Variants in PEAK1 observed in about 807,000 individuals in gnomAD.
PEAK1 encodes the protein pseudopodium enriched atypical kinase 1, also known as inactive tyrosine-protein kinase PEAK1.
A neutral mutation model predicts 124.7 loss-of-function variants in PEAK1; 54 were observed. The ratio of observed to expected loss-of-function variants is 0.43; its 90% CI spans 0.35 to 0.54. PEAK1 has a LOEUF of 0.54. Among genes scored for constraint, PEAK1 ranks in the 20% least tolerant of loss-of-function variants. The pLI is 0.01. For synonymous variants in PEAK1, 719 were observed against 760.0 expected (o/e 0.95, Z 0.89); for missense variants, 2,046 against 2,134.5 (o/e 0.96, Z 0.82).
chr15:77,325,913 AAAATAGCTAC>A (rs1473400553), intron 2 of PEAK1, among the ~76,000 whole-genome samples: 7 of 152,136 alleles, frequency 4.6e-5, no homozygotes, highest in Admixed American at 4.6e-4. Context: ...CTAAGATTTT[AAAATAGCTAC>A]AAATGTAAGG....
chr15:77,207,730 T>C (rs1212187117), intron 6 of PEAK1, among the ~76,000 whole-genome samples: 2 of 152,128 alleles, frequency 1.3e-5, no homozygotes, highest in Non-Finnish European at 2.9e-5. Flanking sequence ...GTGAAACTAT[T>C]CTATATGATA....
chr15:77,406,839 A>C (rs1344609003), intron 1 of PEAK1, among the ~76,000 whole-genome samples: 1 of 152,202 alleles, frequency 6.6e-6, no homozygotes, highest in Non-Finnish European at 1.5e-5. Flanking sequence ...AAAAAGAACA[A>C]ATCTGGAGGT....
At chr15:77,379,204 T>C (rs2069276119) in intron 1 of PEAK1, among the ~76,000 whole-genome samples, 1 of 152,202 alleles carries the variant, frequency 6.6e-6, no homozygotes, top group East Asian at 1.9e-4. Flanking sequence ...TTGAATACCA[T>C]ATATTTCAAA....
chr15:77,155,907 C>G (rs1293522587), intron 8 of PEAK1: 5 of 152,870 alleles, frequency 3.3e-5, no homozygotes, highest in Admixed American at 2.6e-4. Flanking sequence ...GTCAGTCTGC[C>G]CCTACTGGGG....
chr15:77,349,140 C>T (rs892539003), intron 2 of PEAK1: 6 of 492,580 alleles, frequency 1.2e-5, no homozygotes, highest in Admixed American at 6.4e-5. Flanking sequence ...CCTGGGTTCA[C>T]GCCATTCTCC....
In PEAK1 at chr15:77,301,265, C is replaced by T. The variant is rs184714325; in HGVS notation, c.-602-14761G>A. On this transcript the variant is annotated intron_variant, in intron 2 of 9. Coordinates refer to ENST00000682557, the MANE Select transcript of PEAK1 (RefSeq NM_001385026.1). ...TGTGGCTATATCATTCTAATCTCTG[C>T]CTGACTTCACATGGCATTCTCCTCT... is the stretch of plus-strand genomic sequence containing the variant. Among the ~76,000 whole-genome samples the T allele has an allele frequency of 9.3e-4, 141 of 152,228 alleles. No individual in the cohort carries two copies. In the Middle Eastern group the frequency reaches 0.024, roughly 26 times the overall value.
At chr15:77,291,169 C>T (rs2063191538) in intron 2 of PEAK1, among the ~76,000 whole-genome samples, 1 of 152,134 alleles carries the variant, frequency 6.6e-6, no homozygotes. Context: ...ACGTGAGATA[C>T]AAAGCTGAAT....
chr15:77,161,172 G>A (rs528653709), intron 7 of PEAK1, among the ~76,000 whole-genome samples: 5 of 152,188 alleles, frequency 3.3e-5, no homozygotes, highest in East Asian at 3.8e-4. Context: ...GGGCCTTCTC[G>A]AGTCTGTTAA....
At chr15:77,262,833 A>C (rs1826875005) in intron 5 of PEAK1, among the ~76,000 whole-genome samples, 2 of 152,142 alleles carry the variant, frequency 1.3e-5, no homozygotes, top group South Asian at 2.1e-4. Flanking sequence ...CCTATTCCAA[A>C]ATTGACCACA....
Position 77,180,033 on chromosome 15 carries a change from G to T in PEAK1, c.1894C>A (p.Pro632Thr). 2.5e-6 allele frequency: 4 copies of T among 1,613,954 alleles called. No individual in the cohort carries two copies. Among genetic ancestry groups the T allele is most frequent in the Non-Finnish European group, 3.4e-6 (4 of 1,179,884 alleles). The change falls in exon 7 of 10, where the codon CCA becomes ACA. Residue 632 changes from proline (P) to threonine (T), a missense_variant. By Grantham distance (38) the Pro-to-Thr change is conservative. Transcript: ENST00000682557. ...ATAGCTAGATTGTCATATGCATTTG[G>T]ATTGATAACAATGGGAACTTTGATA... is the stretch of plus-strand genomic sequence containing the variant. ...NAIKVPIVINPNAYDNLAIYK... is the reference protein window; with the variant it reads ...NAIKVPIVINTNAYDNLAIYK...
intron 1 of PEAK1, chr15:77,417,445 G>T: frequency 2.1e-6 from 2 of 936,776 alleles, no homozygotes; most frequent in Non-Finnish European, 2.5e-6. Context: ...AGAGTGGGGT[G>T]GGGGGATGCG....
intron 8 of PEAK1, among the ~76,000 whole-genome samples, chr15:77,144,705 C>T (rs1567025020): frequency 2.0e-5 from 3 of 152,178 alleles, no homozygotes; most frequent in Non-Finnish European, 2.9e-5. Flanking sequence ...GAAACTTATG[C>T]GTTCCAAATG....
chr15:77,403,804 G>C (rs1342643890), intron 1 of PEAK1: 1 of 980,898 alleles, frequency 1.0e-6, no homozygotes, highest in Non-Finnish European at 1.2e-6. Context: ...TTAAAAAAAA[G>C]CTTATTCAAT....
At chr15:77,286,399 A>G (rs1451159569) in intron 3 of PEAK1, 24 bp downstream of exon 3, 1 of 1,133,462 alleles carries the variant, frequency 8.8e-7, no homozygotes, top group Admixed American at 4.2e-5. Flanking sequence ...AACATGTTAC[A>G]TTATGGAAAG....
At chr15:77,403,623 A>G (rs760828361) in intron 1 of PEAK1, 9 of 906,152 alleles carry the variant, frequency 9.9e-6, no homozygotes, top group African/African-American at 1.8e-5. Context: ...ACCCTATACT[A>G]AGTTCTGGGG....
At chr15:77,393,001 C>T (rs1414594929) in intron 1 of PEAK1, among the ~76,000 whole-genome samples, 2 of 152,126 alleles carry the variant, frequency 1.3e-5, no homozygotes, top group Non-Finnish European at 2.9e-5. Context: ...TTCCATTGGA[C>T]CTCAGTGCTG....
At chr15:77,347,371 G>C (rs2066930442) in intron 2 of PEAK1, 1 of 985,228 alleles carries the variant, frequency 1.0e-6, no homozygotes, top group African/African-American at 1.7e-5. Context: ...AGAGGAAGAG[G>C]TTTCTGAATC....
intron 2 of PEAK1, among the ~76,000 whole-genome samples, chr15:77,291,429 G>A (rs991782950): frequency 2.6e-5 from 4 of 152,082 alleles, no homozygotes; most frequent in Non-Finnish European, 4.4e-5. Context: ...AGAGAAAAGC[G>A]ACTGATAATG....
At chr15:77,100,991 G>A (rs895212938) in exon 7 of PEAK1, 6 of 152,314 alleles carry the variant, frequency 3.9e-5, no homozygotes, top group Non-Finnish European at 8.8e-5. Context: ...CCAGCCCCTT[G>A]CTGAGGGAGG....
Sources: allele counts gnomAD v4.1 joint callset (sites outside exome capture counted in the v4.1 genomes callset), GRCh38; gene constraint gnomAD v4.1.1; transcripts MANE v1.5; gene names NCBI Gene and HGNC (gene_info 2026-07-23, HGNC 2026-07-21).